IGSF21: variants seen among roughly 807,000 people sequenced by gnomAD.
IGSF21 encodes immunoglobin superfamily member 21.
Under a neutral mutation model 46.8 loss-of-function variants are expected in IGSF21, and 28 were observed. The observed-to-expected ratio is 0.60, with a 90% CI of 0.44 to 0.82. The LOEUF is 0.82. Ranked by LOEUF, IGSF21 falls within the 40% of genes least tolerant of loss-of-function variation. IGSF21 has a pLI of 0.00. For missense variants in IGSF21, 624 were observed against 665.5 expected, an observed-to-expected ratio of 0.94 and a Z score of 0.69; for synonymous variants, 284 against 273.6, an observed-to-expected ratio of 1.04 and a Z score of -0.38.
intron 1 of IGSF21, among the ~76,000 whole-genome samples, chr1:18,128,296 C>T (rs1432611119): frequency 6.6e-6 from 1 of 152,222 alleles, no homozygotes; most frequent in East Asian, 1.9e-4. Flanking sequence ...GTGAGGGACT[C>T]AGGAGCAGAG....
chr1:18,168,228 CTT>C lies in IGSF21; in HGVS notation c.71-59669_71-59668del, dbSNP rs1244392844. On this transcript the variant is annotated intron_variant, in intron 1 of 9. Transcript: ENST00000251296. ...CCAAGGAAGAGCATCTGGCCGTTAA[CTT>C]ATATATAATAACCCTTAAACGCTGC... 3.9e-5 allele frequency among the ~76,000 whole-genome samples: 6 copies of C among 152,286 alleles called. No individual in the cohort carries two copies. In the East Asian group the frequency reaches 9.7e-4, roughly 25 times the overall value.
At chr1:18,166,213 A>C (rs1402567470) in intron 1 of IGSF21, among the ~76,000 whole-genome samples, 1 of 152,190 alleles carries the variant, frequency 6.6e-6, no homozygotes, top group African/African-American at 2.4e-5. Context: ...GCTTTTAAAA[A>C]AAATTTTACC....
At chr1:18,206,446 G>T (rs1012367730) in intron 1 of IGSF21, among the ~76,000 whole-genome samples, 11 of 152,088 alleles carry the variant, frequency 7.2e-5, no homozygotes, top group Non-Finnish European at 1.5e-4. Flanking sequence ...CTACTGGGGA[G>T]GCTGAGGTGG....
chr1:18,305,513 A>ATGGATGGATGGATGG (rs61463668), intron 3 of IGSF21, among the ~76,000 whole-genome samples: 1 of 128,060 alleles, frequency 7.8e-6, no homozygotes, highest in Non-Finnish European at 1.6e-5. Flanking sequence ...TGGATGGATG[A>ATGGATGGATGGATGG]ATGGATGGAT....
intron 2 of IGSF21, among the ~76,000 whole-genome samples, chr1:18,256,999 C>A (rs1027018722): frequency 6.6e-6 from 1 of 152,284 alleles, no homozygotes; most frequent in African/African-American, 2.4e-5. Flanking sequence ...TCCTCTTCTC[C>A]TCTCAAACCC....
At chr1:18,237,514 C>T (rs929701344) in intron 2 of IGSF21, among the ~76,000 whole-genome samples, 4 of 152,216 alleles carry the variant, frequency 2.6e-5, no homozygotes, top group Non-Finnish European at 4.4e-5. Flanking sequence ...TTCTGTCCCC[C>T]GTGGCGCAGG....
intron 1 of IGSF21, among the ~76,000 whole-genome samples, chr1:18,174,052 C>A (rs548675810): frequency 1.0e-3 from 156 of 152,312 alleles, no homozygotes; most frequent in African/African-American, 3.2e-3. Context: ...CCGCGCCTGG[C>A]CTCTTTGAAT....
At chr1:18,225,083 TCTCACACA>T (rs757790056) in intron 1 of IGSF21, among the ~76,000 whole-genome samples, 1,613 of 54,850 alleles carry the variant, frequency 0.029, 37 homozygotes, top group South Asian at 0.079. Flanking sequence ...TCTCTCTCTC[TCTCACACA>T]CACACACACA....
chr1:18,225,129 A>ACACACACACACACACACACAC (rs1491338920), intron 1 of IGSF21, among the ~76,000 whole-genome samples: 2 of 143,724 alleles, frequency 1.4e-5, no homozygotes, highest in East Asian at 2.1e-4. Flanking sequence ...ACACACACAC[A>ACACACACACACACACACACAC]AAGAAATCAT....
intron 1 of IGSF21, among the ~76,000 whole-genome samples, chr1:18,192,006 C>T (rs867735974): frequency 2.0e-5 from 3 of 152,158 alleles, no homozygotes; most frequent in Non-Finnish European, 4.4e-5. Flanking sequence ...CCTCCTGGGC[C>T]GGGGAGGGCT....
At chr1:18,355,087 G>C (rs1473440290) in intron 4 of IGSF21, among the ~76,000 whole-genome samples, 1 of 152,228 alleles carries the variant, frequency 6.6e-6, no homozygotes, top group Non-Finnish European at 1.5e-5. Flanking sequence ...GTTGGGAGCA[G>C]AGCCTGGGCT....
At chr1:18,264,578 G>A (rs2124539905) in intron 2 of IGSF21, among the ~76,000 whole-genome samples, 1 of 152,268 alleles carries the variant, frequency 6.6e-6, no homozygotes, top group East Asian at 1.9e-4. Context: ...GAGGGCATGA[G>A]GACAGATAGC....
chr1:18,187,249 C>T (rs1390039739), intron 1 of IGSF21, among the ~76,000 whole-genome samples: 1 of 151,580 alleles, frequency 6.6e-6, no homozygotes, highest in Non-Finnish European at 1.5e-5. Context: ...AGAGAAAGAG[C>T]GAGTGAGCAC....
chr1:18,227,287 A>T (rs1382467901), intron 1 of IGSF21, among the ~76,000 whole-genome samples: 1 of 152,014 alleles, frequency 6.6e-6, no homozygotes, highest in African/African-American at 2.4e-5. Context: ...ACCAGGAGTC[A>T]TTTGTTTATG....
rs150336992 is a variant in IGSF21 at position 18,227,930 on chromosome 1, C to T, written c.103C>T (p.Pro35Ser). The change falls in exon 2 of 10, where the codon CCT becomes TCT. Residue 35 changes from proline (P) to serine (S), a missense_variant. Physicochemically the swap from Pro to Ser is moderately conservative, Grantham distance 74 (BLOSUM62 -1). Coordinates refer to ENST00000251296, the MANE Select transcript of IGSF21 (RefSeq NM_032880.5). ...YLTVNIEPLP[P>S]VVAGDAVTLK... ...GACAGTCAACATTGAGCCTCTCCCC[C>T]CTGTGGTGGCTGGAGACGCCGTGAC... The T allele has an allele frequency of 6.1e-5, 99 of 1,613,962 alleles. No individual in the cohort carries two copies. The highest frequency in any genetic ancestry group is 1.6e-4 in the Middle Eastern group (1 of 6,082).
In IGSF21 at chr1:18,334,261, C is replaced by T. The variant is rs2085743859; in HGVS notation, c.306-631C>T. Among the ~76,000 whole-genome samples, 11 of 152,312 alleles carry T rather than the reference C, an allele frequency of 7.2e-5. No homozygotes were observed. In the South Asian group the frequency reaches 2.3e-3, roughly 32 times the overall value. On this transcript the variant is annotated intron_variant, in intron 3 of 9. Coordinates refer to ENST00000251296, the MANE Select transcript of IGSF21 (RefSeq NM_032880.5). This position sits in a 1 kb window ranked among gnomAD's most constrained non-coding sequence, Gnocchi z 4.3. ...CATGTGAGTGTGGAACCCAGATCAG[C>T]TTCTCTACCTCCTTGTCTACTGGGA...
chr1:18,116,749 A>G (rs192334990), intron 1 of IGSF21, among the ~76,000 whole-genome samples: 8 of 152,352 alleles, frequency 5.3e-5, no homozygotes, highest in East Asian at 1.9e-4. Flanking sequence ...CAAATGGCCA[A>G]TACAGGGCTT....
chr1:18,276,073 G>A (rs2085100255), intron 2 of IGSF21, among the ~76,000 whole-genome samples: 1 of 152,122 alleles, frequency 6.6e-6, no homozygotes, highest in Non-Finnish European at 1.5e-5. Flanking sequence ...GCCCTGCCTG[G>A]CACAACCATC....
chr1:18,215,288 A>G (rs1251752190), intron 1 of IGSF21, among the ~76,000 whole-genome samples: 1 of 152,234 alleles, frequency 6.6e-6, no homozygotes, highest in Non-Finnish European at 1.5e-5. Flanking sequence ...ATGTGTCCTC[A>G]ATGCCAGTAG....
Sources: gnomAD v4.1 joint callset for allele counts (sites outside exome capture counted in the v4.1 genomes callset) on GRCh38, gnomAD v4.1.1 for gene constraint, Gnocchi (gnomAD v3.1) non-coding constraint, MANE v1.5 for transcripts, NCBI Gene and HGNC (gene_info 2026-07-23, HGNC 2026-07-21) for gene names.